The following TNPO3 variants were observed in gnomAD, a reference collection of about 807,000 sequenced individuals.
The protein encoded by TNPO3 is transportin-3.
Under a neutral mutation model 122.8 loss-of-function variants are expected in TNPO3, and 65 were observed. That is an observed-to-expected ratio of 0.53 (90% CI 0.43 to 0.65). The LOEUF (loss-of-function observed/expected upper bound fraction) is 0.65, where lower values mean the gene tolerates loss of function less well. Among genes scored for constraint, TNPO3 ranks in the 30% least tolerant of loss-of-function variants. The pLI, the probability that TNPO3 is intolerant of heterozygous loss-of-function variation, is 0.00. For missense variants in TNPO3, 850 were observed against 1,136.7 expected (o/e 0.75, Z 3.63); for synonymous variants, 372 against 411.2 (o/e 0.90, Z 1.15).
At chr7:129,042,398 A>C (rs1807489227) in intron 1 of TNPO3, among the ~76,000 whole-genome samples, 1 of 152,180 alleles carries the variant, frequency 6.6e-6, no homozygotes, top group South Asian at 2.1e-4. Flanking sequence ...AAAACTACAA[A>C]TCGGTCAAAC....
chr7:129,044,997 A>G (rs1035315610), intron 1 of TNPO3, among the ~76,000 whole-genome samples: 1 of 152,224 alleles, frequency 6.6e-6, no homozygotes, highest in African/African-American at 2.4e-5. Flanking sequence ...ATATATACAT[A>G]CAACGGGATA....
At chr7:129,035,945 CTTTTCTTT>C (rs2150517072) in intron 1 of TNPO3, among the ~76,000 whole-genome samples, 1 of 95,622 alleles carries the variant, frequency 1.0e-5, no homozygotes, top group African/African-American at 3.2e-5. Flanking sequence ...TTTTTCTTTT[CTTTTCTTT>C]TTTTTTTTTT....
Position 128,979,087 on chromosome 7 carries a change from G to A in TNPO3, c.1957C>T (p.Arg653Ter), listed in dbSNP as rs201464103. ...CGCTCTACAATCCGATTATCAGCTC[G>A]GTGCTTATTTAGAGTCTCGGATAAA... ...PVLSETLNKH[R>*]ADNRIVERCC... is the part of the protein sequence containing the mutation. The change falls in exon 16 of 23, where the codon CGA becomes TGA. Residue 653 changes from arginine (R) to a stop codon, truncating the protein, a stop_gained. Transcript: ENST00000265388. LOFTEE classifies it high-confidence loss of function. 6.2e-7 allele frequency: 1 copy of A among 1,614,158 alleles called. No individual in the cohort carries two copies. Among genetic ancestry groups the A allele is most frequent in the Non-Finnish European group, 8.5e-7 (1 of 1,180,014 alleles).
chr7:129,038,288 G>A (rs567330808), intron 1 of TNPO3, among the ~76,000 whole-genome samples: 6 of 151,996 alleles, frequency 3.9e-5, no homozygotes, highest in African/African-American at 7.3e-5. Flanking sequence ...GAAAGCATTC[G>A]ACACCAAGAA....
intron 1 of TNPO3, among the ~76,000 whole-genome samples, chr7:129,037,395 G>A (rs937677007): frequency 6.6e-5 from 10 of 152,178 alleles, no homozygotes; most frequent in African/African-American, 2.4e-4. Context: ...ATCTACGACA[G>A]GACAGAGGAA....
At chr7:128,957,070 T>A (rs1309157401) in intron 22 of TNPO3, among the ~76,000 whole-genome samples, 154 bp downstream of exon 22, 1 of 152,202 alleles carries the variant, frequency 6.6e-6, no homozygotes, top group Non-Finnish European at 1.5e-5. Flanking sequence ...GGGCCCTGTA[T>A]ATTCCAGCTG....
Position 128,970,037 on chromosome 7 carries a change from G to C in TNPO3, c.2598+111C>G, listed in dbSNP as rs139182178. On this transcript the variant is annotated intron_variant, in intron 20 of 22. Transcript: ENST00000265388. ...TAATTTGGCAATATGCCTAAATTTG[G>C]TTCCATGGACAGAAAACAGGGCTAG... is the stretch of plus-strand genomic sequence containing the variant. The C allele has an allele frequency of 3.0e-6, 4 of 1,327,164 alleles. No individual in the cohort carries two copies. The East Asian group carries it at 9.3e-5, about 31-fold the overall frequency. 82.2% of individuals were successfully genotyped at this position (1,327,164 alleles called of 1,614,324 possible). A position where few individuals can be genotyped will look rare whatever the true frequency, so the allele number is the denominator to read the frequency against.
chr7:129,049,358 A>AT (rs1808431240), intron 1 of TNPO3, among the ~76,000 whole-genome samples: 2 of 152,236 alleles, frequency 1.3e-5, no homozygotes, highest in Non-Finnish European at 2.9e-5. Context: ...CCTAGATCTG[A>AT]CAAGAGGAGA....
chr7:128,970,114 C>T, intron 20 of TNPO3, 34 bp downstream of exon 20: 1 of 1,613,102 alleles, frequency 6.2e-7, no homozygotes, highest in Non-Finnish European at 8.5e-7. Flanking sequence ...CATTTAGGGA[C>T]TATGAGATAA....
chr7:129,003,917 T>C lies in TNPO3; in HGVS notation c.696+1099A>G, dbSNP rs1297716705. On this transcript the variant is annotated intron_variant, in intron 5 of 22. Coordinates refer to ENST00000265388, the MANE Select transcript of TNPO3 (RefSeq NM_012470.4). ...GAAGTGTATTCTACACTGTCCTCCA[T>C]TTATATGTAATCACATGTACATTTT... 6.6e-5 allele frequency among the ~76,000 whole-genome samples: 10 copies of C among 152,282 alleles called. No homozygotes were observed. In the East Asian group the frequency reaches 1.9e-3, roughly 29 times the overall value.
At chr7:128,997,336 G>A in intron 8 of TNPO3, 53 bp downstream of exon 8, 1 of 1,593,604 alleles carries the variant, frequency 6.3e-7, no homozygotes, top group Non-Finnish European at 8.6e-7. Context: ...TTTCAAGTTG[G>A]CACTGACAAG....
intron 7 of TNPO3, among the ~76,000 whole-genome samples, chr7:128,998,808 A>G (rs1485033004): frequency 6.6e-6 from 1 of 152,166 alleles, no homozygotes; most frequent in East Asian, 1.9e-4. Context: ...TATGAACCTC[A>G]TTAGAGGTAT....
chr7:129,024,377 G>A (rs1192681730), intron 1 of TNPO3, among the ~76,000 whole-genome samples: 1 of 152,114 alleles, frequency 6.6e-6, no homozygotes, highest in East Asian at 1.9e-4. Flanking sequence ...GAAAACTGAA[G>A]GAGCACAATC....
intron 1 of TNPO3, 68 bp downstream of exon 1, chr7:129,054,583 T>C (rs1489757092): frequency 1.3e-6 from 2 of 1,594,050 alleles, no homozygotes; most frequent in Non-Finnish European, 1.7e-6. Context: ...GCTCAGGTTC[T>C]CCCCCGGAGC....
chr7:128,976,745 G>A (rs1365373012), intron 16 of TNPO3, among the ~76,000 whole-genome samples: 1 of 152,192 alleles, frequency 6.6e-6, no homozygotes, highest in Non-Finnish European at 1.5e-5. Flanking sequence ...CAGTACATAT[G>A]TATTGATCTT....
intron 2 of TNPO3, among the ~76,000 whole-genome samples, chr7:129,017,744 C>T (rs773801293): frequency 6.6e-5 from 10 of 152,208 alleles, no homozygotes; most frequent in Non-Finnish European, 1.5e-4. Context: ...CTCACCTTAT[C>T]CACTTCTGGT....
intron 19 of TNPO3, among the ~76,000 whole-genome samples, chr7:128,971,450 T>C (rs1350313943): frequency 6.6e-6 from 1 of 152,242 alleles, no homozygotes. Context: ...CTGGCCCTTC[T>C]TGTGGTCTTT....
At chr7:129,037,901 A>C (rs1806894815) in intron 1 of TNPO3, among the ~76,000 whole-genome samples, 1 of 152,224 alleles carries the variant, frequency 6.6e-6, no homozygotes, top group South Asian at 2.1e-4. Flanking sequence ...TTTGCACAAT[A>C]CCTGCCAGAT....
intron 7 of TNPO3, among the ~76,000 whole-genome samples, chr7:128,999,471 T>C (rs1040581194): frequency 6.7e-4 from 102 of 152,310 alleles, no homozygotes; most frequent in Non-Finnish European, 1.5e-4. Flanking sequence ...TTGTCTTGTA[T>C]GTGATAACAG....
Sources: allele counts gnomAD v4.1 joint callset (sites outside exome capture counted in the v4.1 genomes callset), GRCh38; gene constraint gnomAD v4.1.1; transcripts MANE v1.5; gene names NCBI Gene and HGNC (gene_info 2026-07-23, HGNC 2026-07-21).